Variants in MAP2 observed in about 807,000 individuals in gnomAD.
MAP2 encodes microtubule-associated protein 2.
A neutral mutation model predicts 137.6 loss-of-function variants in MAP2; 14 were observed. The ratio of observed to expected loss-of-function variants is 0.10; its 90% CI spans 0.07 to 0.16. The LOEUF (loss-of-function observed/expected upper bound fraction) is 0.16. Among genes scored for constraint, MAP2 ranks in the 10% least tolerant of loss-of-function variants. The pLI is 1.00. For missense variants in MAP2, 2,088 were observed against 2,191.5 expected (o/e 0.95, Z 0.94); for synonymous variants, 786 against 782.3 (o/e 1.00, Z -0.08).
At chr2:209,658,873 A>G (rs1322045744) in intron 5 of MAP2, among the ~76,000 whole-genome samples, 1 of 152,234 alleles carries the variant, frequency 6.6e-6, no homozygotes, top group African/African-American at 2.4e-5. Context: ...TTATGGAAAT[A>G]TATATAAAAC....
intron 13 of MAP2, among the ~76,000 whole-genome samples, chr2:209,712,640 T>G (rs1267832129): frequency 6.6e-6 from 1 of 152,146 alleles, no homozygotes; most frequent in Non-Finnish European, 1.5e-5. Flanking sequence ...GCATTGCAAT[T>G]GAACTGTCTT....
intron 3 of MAP2, among the ~76,000 whole-genome samples, chr2:209,584,476 A>C (rs987622960): frequency 6.6e-6 from 1 of 152,186 alleles, no homozygotes; most frequent in South Asian, 2.1e-4. Flanking sequence ...TTATAAAATT[A>C]GAAAATTTCA....
chr2:209,534,033 G>A (rs1207931417), intron 2 of MAP2, among the ~76,000 whole-genome samples: 1 of 152,204 alleles, frequency 6.6e-6, no homozygotes, highest in East Asian at 1.9e-4. Context: ...CCGTCCAGCA[G>A]CCTGGCTACC....
At chr2:209,721,913 A>G (rs2071207211) in intron 13 of MAP2, 1 of 152,226 alleles carries the variant, frequency 6.6e-6, no homozygotes, top group Admixed American at 6.5e-5. Flanking sequence ...TAGAAACAGT[A>G]AGTCAAAATT....
At chr2:209,624,693 G>A (rs569880959) in intron 3 of MAP2, among the ~76,000 whole-genome samples, 1 of 152,258 alleles carries the variant, frequency 6.6e-6, no homozygotes, top group African/African-American at 2.4e-5. Context: ...TGATTTACTA[G>A]AATGAATGTA....
At chr2:209,479,712 A>G (rs115579382) in intron 1 of MAP2, among the ~76,000 whole-genome samples, 1,638 of 152,280 alleles carry the variant, frequency 0.011, 30 homozygotes, top group African/African-American at 0.038. Context: ...CACAATTTTG[A>G]ACTACATAAA....
At chr2:209,675,427 A>T (rs968919680) in intron 5 of MAP2, among the ~76,000 whole-genome samples, 1 of 151,896 alleles carries the variant, frequency 6.6e-6, no homozygotes, top group Non-Finnish European at 1.5e-5. Context: ...AAACTAAATT[A>T]TCACTCACGA....
chr2:209,444,134 A>G (rs941756035), intron 1 of MAP2, among the ~76,000 whole-genome samples: 5 of 151,610 alleles, frequency 3.3e-5, no homozygotes, highest in African/African-American at 7.2e-5. Flanking sequence ...TTTAATGGCA[A>G]TAAATGATTT....
chr2:209,622,626 A>G (rs2091469156), intron 3 of MAP2, among the ~76,000 whole-genome samples: 1 of 152,206 alleles, frequency 6.6e-6, no homozygotes. Context: ...TGTTAAAACT[A>G]TGTTGTTAAT....
intron 13 of MAP2, among the ~76,000 whole-genome samples, chr2:209,722,519 T>G (rs1345014149): frequency 6.6e-6 from 1 of 152,222 alleles, no homozygotes; most frequent in Admixed American, 6.5e-5. Flanking sequence ...AAATGTTGTT[T>G]TTTTTTCTTT....
intron 4 of MAP2, among the ~76,000 whole-genome samples, chr2:209,627,360 T>A (rs949431952): frequency 1.3e-5 from 2 of 152,196 alleles, no homozygotes; most frequent in Non-Finnish European, 2.9e-5. Flanking sequence ...CCAACTTTTA[T>A]TTTCTGAGAG....
intron 1 of MAP2, among the ~76,000 whole-genome samples, chr2:209,506,217 A>C (rs116559092): frequency 0.03 from 4,575 of 152,256 alleles, 88 homozygotes; most frequent in South Asian, 0.069. Flanking sequence ...GTATCAACCT[A>C]TCATTTCGTT....
intron 3 of MAP2, among the ~76,000 whole-genome samples, chr2:209,612,793 CAT>C (rs1237019383): frequency 1.3e-5 from 2 of 152,106 alleles, no homozygotes; most frequent in African/African-American, 4.8e-5. Flanking sequence ...GACATGGAAA[CAT>C]AGTATTAGAA....
chr2:209,727,928 T>C (rs1465974433), intron 14 of MAP2, among the ~76,000 whole-genome samples: 2 of 152,100 alleles, frequency 1.3e-5, no homozygotes, highest in Non-Finnish European at 2.9e-5. Context: ...TATTTTTCCC[T>C]CTCAGAAGAC....
At chr2:209,471,807 T>G (rs1705801363) in intron 1 of MAP2, among the ~76,000 whole-genome samples, 1 of 152,178 alleles carries the variant, frequency 6.6e-6, no homozygotes, top group Admixed American at 6.5e-5. Flanking sequence ...AGTAGAAATT[T>G]TAATGATAAG....
At chr2:209,687,809 C>T (rs915452158) in intron 7 of MAP2, among the ~76,000 whole-genome samples, 1 of 152,102 alleles carries the variant, frequency 6.6e-6, no homozygotes, top group South Asian at 2.1e-4. Flanking sequence ...CTCCTAGCCC[C>T]CTCCATCTCA....
chr2:209,566,500 C>T (rs2073440891), intron 2 of MAP2, among the ~76,000 whole-genome samples: 1 of 152,158 alleles, frequency 6.6e-6, no homozygotes, highest in African/African-American at 2.4e-5. Flanking sequence ...AAATGAAACT[C>T]TATTTGTTTC....
intron 12 of MAP2, among the ~76,000 whole-genome samples, chr2:209,706,302 T>C (rs181169516): frequency 9.2e-5 from 14 of 152,278 alleles, no homozygotes; most frequent in South Asian, 4.1e-4. Flanking sequence ...TACACACTTA[T>C]ATGTTGCATT....
chr2:209,720,047 TAA>T (rs1315746834), intron 13 of MAP2, among the ~76,000 whole-genome samples: 1 of 152,194 alleles, frequency 6.6e-6, no homozygotes, highest in Non-Finnish European at 1.5e-5. Context: ...GGATGAACTT[TAA>T]ATGTAAACAC....
Sources: gnomAD v4.1 joint callset for allele counts (sites outside exome capture counted in the v4.1 genomes callset) on GRCh38, gnomAD v4.1.1 for gene constraint, MANE v1.5 for transcripts, NCBI Gene and HGNC (gene_info 2026-07-23, HGNC 2026-07-21) for gene names.